Variants in TNR observed in about 807,000 individuals in gnomAD.
TNR encodes tenascin-R.
Under a neutral mutation model 150.4 loss-of-function variants are expected in TNR, and 45 were observed. The ratio of observed to expected loss-of-function variants is 0.30; its 90% CI spans 0.24 to 0.38. The LOEUF is 0.38. Ranked by LOEUF, TNR falls within the 10% of genes least tolerant of loss-of-function variation. The pLI is 1.00. For synonymous variants in TNR, 687 were observed against 678.4 expected, an observed-to-expected ratio of 1.01 and a Z score of -0.20; for missense variants, 1,544 against 1,759.1, an observed-to-expected ratio of 0.88 and a Z score of 2.19.
intron 20 of TNR, among the ~76,000 whole-genome samples, chr1:175,331,051 T>TTTTCTTTCTTTCTTTCTTTCTTTCCTTC (rs1649784095): frequency 5.6e-5 from 6 of 106,766 alleles, no homozygotes; most frequent in Non-Finnish European, 7.9e-5. Flanking sequence ...CTTTCTTTCT[T>TTTTCTTTCTTTCTTTCTTTCTTTCCTTC]TCTTTCTTTC....
Position 175,403,419 on chromosome 1 carries a change from G to T in TNR, c.697C>A (p.Leu233Ile), listed in dbSNP as rs771501878. 3 of 1,614,218 alleles carry T rather than the reference G, an allele frequency of 1.9e-6. No individual in the cohort carries two copies. Among genetic ancestry groups the T allele is most frequent in the Non-Finnish European group, 1.7e-6 (2 of 1,180,040 alleles). The change falls in exon 4 of 23, where the codon CTC becomes ATC. Residue 233 changes from leucine (L) to isoleucine (I), a missense_variant. Coordinates refer to ENST00000367674, the MANE Select transcript of TNR (RefSeq NM_003285.3). ...SEYSGDDCSE[L>I]RCPTDCSSRG... Reference sequence around the variant, plus strand: ...GAGCTGCAGTCTGTTGGGCACCGGAGTTCGGAACAGTCATCCCCGCTGTAC... The same window carrying T: ...GAGCTGCAGTCTGTTGGGCACCGGATTTCGGAACAGTCATCCCCGCTGTAC...
chr1:175,702,138 T>A (rs1474864453), intron 1 of TNR, among the ~76,000 whole-genome samples: 1 of 152,214 alleles, frequency 6.6e-6, no homozygotes, highest in East Asian at 1.9e-4. Flanking sequence ...TAAGGGTGAC[T>A]CTGAGACACA....
intron 1 of TNR, among the ~76,000 whole-genome samples, chr1:175,697,203 C>T (rs551781559): frequency 1.3e-5 from 2 of 149,692 alleles, no homozygotes; most frequent in East Asian, 2.0e-4. Context: ...AGAGCTTTAA[C>T]TCAAACAAGA....
chr1:175,401,504 C>T (rs1557909660), intron 4 of TNR, among the ~76,000 whole-genome samples: 2 of 151,746 alleles, frequency 1.3e-5, no homozygotes, highest in Non-Finnish European at 2.9e-5. Context: ...GGTGTGGTGA[C>T]AATATTTTTA....
At chr1:175,644,215 C>G (rs139689816) in intron 1 of TNR, among the ~76,000 whole-genome samples, 1 of 152,192 alleles carries the variant, frequency 6.6e-6, no homozygotes, top group African/African-American at 2.4e-5. Context: ...CATCAACAGA[C>G]ACATTGTCCA....
intron 2 of TNR, among the ~76,000 whole-genome samples, chr1:175,425,713 G>A (rs1306476385): frequency 6.6e-6 from 1 of 152,160 alleles, no homozygotes; most frequent in African/African-American, 2.4e-5. Context: ...TTTTCCCCTG[G>A]CACTGCTGCA....
rs183271524 is a variant in TNR, at chr1:175,679,519, C to T, written c.-165+63707G>A. Among the ~76,000 whole-genome samples the T allele has an allele frequency of 5.4e-3, 828 of 152,324 alleles. 14 individuals carry two copies. The highest frequency in any genetic ancestry group is 4.0e-3 in the Non-Finnish European group (273 of 68,040). On this transcript the variant is annotated intron_variant, in intron 1 of 22. Coordinates refer to ENST00000367674, the MANE Select transcript of TNR (RefSeq NM_003285.3). ...ACGCAAAATGTCTAGTATGTGTCCA[C>T]TCTATTATGAGATGCTATCTGCCTA...
chr1:175,687,788 G>A (rs1666246869), intron 1 of TNR, among the ~76,000 whole-genome samples: 1 of 151,486 alleles, frequency 6.6e-6, no homozygotes, highest in Admixed American at 6.6e-5. Context: ...CTTCAAGCAA[G>A]ATGCATCCCA....
chr1:175,439,947 C>G (rs1439466359), intron 2 of TNR, among the ~76,000 whole-genome samples: 4 of 152,142 alleles, frequency 2.6e-5, no homozygotes, highest in African/African-American at 7.2e-5. Flanking sequence ...CTAGTTCAAC[C>G]ATTGTGGAAG....
At chr1:175,550,274 G>T (rs1660885149) in intron 1 of TNR, among the ~76,000 whole-genome samples, 1 of 152,174 alleles carries the variant, frequency 6.6e-6, no homozygotes, top group Non-Finnish European at 1.5e-5. Flanking sequence ...GGCTGCATGA[G>T]GAGCTGCTGG....
intron 2 of TNR, among the ~76,000 whole-genome samples, chr1:175,486,289 G>A (rs774143811): frequency 8.5e-5 from 12 of 141,464 alleles, no homozygotes; most frequent in South Asian, 4.5e-4. Flanking sequence ...CCCACCCCTC[G>A]ACAGGCCCTG....
chr1:175,615,206 C>T (rs535660282), intron 1 of TNR, among the ~76,000 whole-genome samples: 113 of 152,276 alleles, frequency 7.4e-4, no homozygotes, highest in African/African-American at 2.6e-3. Flanking sequence ...GAGAGTACAA[C>T]CAAATTCTAT....
intron 18 of TNR, among the ~76,000 whole-genome samples, chr1:175,341,042 T>C (rs538014656): frequency 6.6e-6 from 1 of 152,292 alleles, no homozygotes. Flanking sequence ...TTGTTCTGCT[T>C]TGGGGGTTAT....
intron 2 of TNR, among the ~76,000 whole-genome samples, chr1:175,453,869 G>A (rs1656436700): frequency 6.6e-6 from 1 of 152,118 alleles, no homozygotes. Flanking sequence ...CACTGTGCCT[G>A]GCTGTTTTTA....
intron 1 of TNR, among the ~76,000 whole-genome samples, chr1:175,670,060 C>A (rs1439264880): frequency 6.6e-6 from 1 of 152,184 alleles, no homozygotes; most frequent in African/African-American, 2.4e-5. Flanking sequence ...TCCCTTTATC[C>A]TCTCACCTCT....
intron 1 of TNR, among the ~76,000 whole-genome samples, chr1:175,617,479 T>A (rs1301483311): frequency 2.0e-5 from 3 of 152,190 alleles, no homozygotes; most frequent in Non-Finnish European, 4.4e-5. Context: ...GACAATGCGA[T>A]CCCTCTGCCC....
intron 1 of TNR, among the ~76,000 whole-genome samples, chr1:175,549,895 T>C (rs527352409): frequency 6.6e-6 from 1 of 152,336 alleles, no homozygotes; most frequent in South Asian, 2.1e-4. Flanking sequence ...GAACCTGAGC[T>C]AAGTACCCAG....
chr1:175,479,849 G>A (rs1478612324), intron 2 of TNR, among the ~76,000 whole-genome samples: 1 of 152,074 alleles, frequency 6.6e-6, no homozygotes, highest in African/African-American at 2.4e-5. Context: ...TCTGAGCCAA[G>A]CTAATGAGGC....
rs139110989 is a variant in TNR, at chr1:175,325,953, C to T, written c.3794-1434G>A. ...TAATGGGTGCAGCACACCAACATGG[C>T]ACATGTATACATATGTAACAAACCT... On this transcript the variant is annotated intron_variant, in intron 21 of 22. Coordinates refer to ENST00000367674, the MANE Select transcript of TNR (RefSeq NM_003285.3). 4.5e-3 allele frequency among the ~76,000 whole-genome samples: 684 copies of T among 152,160 alleles called. 6 individuals carry two copies. The highest frequency in any genetic ancestry group is 0.016 in the African/African-American group (669 of 41,488).
Sources: gnomAD v4.1 joint callset for allele counts (sites outside exome capture counted in the v4.1 genomes callset) on GRCh38, gnomAD v4.1.1 for gene constraint, MANE v1.5 for transcripts, NCBI Gene and HGNC (gene_info 2026-07-23, HGNC 2026-07-21) for gene names.